The following EIF3H variants were observed in gnomAD, a reference collection of about 807,000 sequenced individuals.
The protein encoded by EIF3H is eukaryotic translation initiation factor 3 subunit H.
EIF3H carries 26 observed loss-of-function variants against 44.2 expected under a neutral mutation model. The ratio of observed to expected loss-of-function variants is 0.59; its 90% CI spans 0.43 to 0.82. The LOEUF (loss-of-function observed/expected upper bound fraction) is 0.82, where lower values mean the gene tolerates loss of function less well. EIF3H is among the 40% of genes least tolerant of loss of function. The pLI is 0.00. For missense variants in EIF3H, 359 were observed against 432.8 expected, an observed-to-expected ratio of 0.83 and a Z score of 1.51; for synonymous variants, 166 against 151.9, an observed-to-expected ratio of 1.09 and a Z score of -0.68.
intron 1 of EIF3H, among the ~76,000 whole-genome samples, chr8:116,746,404 A>C (rs1023858873): frequency 1.3e-5 from 2 of 152,230 alleles, no homozygotes; most frequent in African/African-American, 4.8e-5. Flanking sequence ...TTCCTATATC[A>C]AAGAGTTGTT....
intron 2 of EIF3H, among the ~76,000 whole-genome samples, chr8:116,673,134 G>A (rs2130821297): frequency 6.6e-6 from 1 of 151,836 alleles, no homozygotes; most frequent in African/African-American, 2.4e-5. Flanking sequence ...TAGGTTCCAT[G>A]TCTAGGAAGC....
At chr8:116,684,527 A>T (rs1351835079) in intron 2 of EIF3H, among the ~76,000 whole-genome samples, 1 of 152,120 alleles carries the variant, frequency 6.6e-6, no homozygotes, top group East Asian at 1.9e-4. Context: ...AAGATGATGC[A>T]TTTCTCCTTA....
At chr8:116,739,771 T>G (rs552576026) in intron 1 of EIF3H, among the ~76,000 whole-genome samples, 1 of 152,334 alleles carries the variant, frequency 6.6e-6, no homozygotes, top group East Asian at 1.9e-4. Context: ...GTGTGTGTCT[T>G]TAATTCCTCT....
At chr8:116,720,769 T>C (rs1428402048) in intron 2 of EIF3H, among the ~76,000 whole-genome samples, 2 of 152,102 alleles carry the variant, frequency 1.3e-5, no homozygotes, top group Non-Finnish European at 1.5e-5. Context: ...AAAATGACTC[T>C]TGCTATGTTT....
chr8:116,708,142 A>G (rs970051913), intron 2 of EIF3H, among the ~76,000 whole-genome samples: 45 of 152,122 alleles, frequency 3.0e-4, no homozygotes, highest in African/African-American at 1.1e-3. Flanking sequence ...AAAGACGGTA[A>G]CATTCTTAGG....
At chr8:116,673,386 G>A (rs535475095) in intron 2 of EIF3H, among the ~76,000 whole-genome samples, 21 of 152,164 alleles carry the variant, frequency 1.4e-4, no homozygotes, top group African/African-American at 4.6e-4. Context: ...ATCATACTGT[G>A]GTATTTAGAT....
intron 1 of EIF3H, among the ~76,000 whole-genome samples, chr8:116,727,343 G>A (rs1217823988): frequency 6.6e-6 from 1 of 152,214 alleles, no homozygotes; most frequent in Non-Finnish European, 1.5e-5. Flanking sequence ...GGGAAAAAGG[G>A]AGCAAAGGGA....
In EIF3H at chr8:116,644,947, G is replaced by C. The variant is rs915358202; in HGVS notation, c.*59C>G. 1.7e-5 allele frequency: 22 copies of C among 1,307,240 alleles called. No homozygotes were observed. The highest frequency in any genetic ancestry group is 2.4e-5 in the Non-Finnish European group (22 of 912,434). 81.0% of individuals were successfully genotyped at this position (1,307,240 alleles called of 1,614,324 possible). ...ATATGCAAATATATTTCTTCCAAGAGTTGCCCTGGTGTGACTTCAAGAGTT... is the reference window on the plus strand; with the variant it reads ...ATATGCAAATATATTTCTTCCAAGACTTGCCCTGGTGTGACTTCAAGAGTT... On this transcript the variant is annotated 3_prime_UTR_variant, in exon 8 of 8. Transcript: ENST00000521861.
At chr8:116,741,700 T>A (rs1199632425) in intron 1 of EIF3H, among the ~76,000 whole-genome samples, 1 of 152,228 alleles carries the variant, frequency 6.6e-6, no homozygotes, top group Non-Finnish European at 1.5e-5. Context: ...GAACAGCTAT[T>A]ACTGTAGAAG....
chr8:116,705,975 C>A (rs980405495), intron 2 of EIF3H, among the ~76,000 whole-genome samples: 1 of 147,594 alleles, frequency 6.8e-6, no homozygotes, highest in Admixed American at 6.7e-5. Flanking sequence ...AAAAAAAAAA[C>A]TCCAGACACA....
At chr8:116,764,666 C>T (rs1204291397) in intron 1 of EIF3H, among the ~76,000 whole-genome samples, 1 of 152,166 alleles carries the variant, frequency 6.6e-6, no homozygotes, top group African/African-American at 2.4e-5. Flanking sequence ...ATAGAAAACT[C>T]TATTTTTTTC....
chr8:116,734,902 T>C (rs1383851660), intron 1 of EIF3H, among the ~76,000 whole-genome samples: 1 of 152,196 alleles, frequency 6.6e-6, no homozygotes, highest in East Asian at 1.9e-4. Flanking sequence ...AATTCAAAAC[T>C]ACCAATTTCA....
At chr8:116,704,055 G>A (rs1250860514) in intron 2 of EIF3H, among the ~76,000 whole-genome samples, 1 of 152,120 alleles carries the variant, frequency 6.6e-6, no homozygotes, top group East Asian at 1.9e-4. Flanking sequence ...AGACTAAGAA[G>A]ATAAAAACCG....
At chr8:116,712,006 AAAG>A (rs1420099442) in intron 2 of EIF3H, among the ~76,000 whole-genome samples, 7 of 54,930 alleles carry the variant, frequency 1.3e-4, no homozygotes, top group Non-Finnish European at 6.2e-4. Flanking sequence ...ACAAAAGAAG[AAAG>A]AAAGAAAAGC....
rs1163671278 is a variant in EIF3H at position 116,726,065 on chromosome 8, G to A, written c.240C>T (p.Asn80=). The A allele has an allele frequency of 1.2e-6, 2 of 1,613,954 alleles. No individual in the cohort carries two copies. Among genetic ancestry groups the A allele is most frequent in the South Asian group, 1.1e-5 (1 of 91,076 alleles). ...CTGTGTGCTGAGGGAAAGGAAAGCA[G>A]TTGGTAATTTCAAGCCGATCTTCTA... ...LVVEDRLEIT[N]CFPFPQHTED... is the part of the protein sequence containing the mutation. Residue 80 remains asparagine, a synonymous_variant, in exon 2 of 8, where the codon AAC becomes AAT. Transcript: ENST00000521861.
At chr8:116,697,269 T>C (rs907163586) in intron 2 of EIF3H, 8 of 445,158 alleles carry the variant, frequency 1.8e-5, no homozygotes, top group Non-Finnish European at 3.6e-5. Flanking sequence ...AAAAAAAGAA[T>C]AGATTTTTAG....
At chr8:116,758,468 T>C (rs1330897414), upstream of EIF3H, among the ~76,000 whole-genome samples, 1 of 152,068 alleles carries the variant, frequency 6.6e-6, no homozygotes, top group Non-Finnish European at 1.5e-5. Context: ...AGAAAATCAA[T>C]AGGATATAAG....
chr8:116,659,628 A>T (rs1218427296), intron 2 of EIF3H, among the ~76,000 whole-genome samples: 5 of 152,178 alleles, frequency 3.3e-5, no homozygotes, highest in African/African-American at 1.2e-4. Context: ...TTTCCTTAGA[A>T]TAAAGTTATA....
chr8:116,753,971 A>G (rs537152188), intron 1 of EIF3H, among the ~76,000 whole-genome samples: 1 of 152,284 alleles, frequency 6.6e-6, no homozygotes, highest in African/African-American at 2.4e-5. Flanking sequence ...AGTGGTACTT[A>G]TTTTAACAAG....
Sources: allele counts gnomAD v4.1 joint callset (sites outside exome capture counted in the v4.1 genomes callset), GRCh38; gene constraint gnomAD v4.1.1; transcripts MANE v1.5; gene names NCBI Gene and HGNC (gene_info 2026-07-23, HGNC 2026-07-21).